The following NCOA2 variants were observed in gnomAD, a reference collection of about 807,000 sequenced individuals.
NCOA2 encodes the protein nuclear receptor coactivator 2, also known as class E basic helix-loop-helix protein 75.
NCOA2 carries 21 observed loss-of-function variants against 145.1 expected under a neutral mutation model. The ratio of observed to expected loss-of-function variants is 0.14; its 90% confidence interval spans 0.10 to 0.21. The LOEUF is 0.21. Ranked by LOEUF, NCOA2 falls within the 10% of genes least tolerant of loss-of-function variation. The pLI is 1.00. For synonymous variants in NCOA2, 619 were observed against 637.5 expected (o/e 0.97, Z 0.44); for missense variants, 1,472 against 1,837.6 (o/e 0.80, Z 3.64).
chr8:70,439,391 C>T, the NCOA2 span, among the ~76,000 whole-genome samples: 8 of 152,072 alleles, frequency 5.3e-5, no homozygotes, highest in Admixed American at 5.2e-4. Flanking sequence ...ACAGGGAAAA[C>T]CAGGGAAGAG....
chr8:70,363,382 C>CAAAA (rs113316710), intron 1 of NCOA2, among the ~76,000 whole-genome samples: 2 of 125,922 alleles, frequency 1.6e-5, no homozygotes, highest in Non-Finnish European at 1.7e-5. Context: ...GACACCATCT[C>CAAAA]AAAAAAAAAA....
intron 2 of NCOA2, among the ~76,000 whole-genome samples, chr8:70,268,256 ATC>A (rs1824770542): frequency 6.6e-6 from 1 of 152,184 alleles, no homozygotes. Context: ...ATCTCTCATT[ATC>A]TCTCTGTTTC....
At chr8:70,359,643 G>T (rs907937669) in intron 1 of NCOA2, among the ~76,000 whole-genome samples, 2 of 152,040 alleles carry the variant, frequency 1.3e-5, no homozygotes, top group Admixed American at 1.3e-4. Flanking sequence ...AGAGAGAGGT[G>T]GTGGTTACAA....
intron 1 of NCOA2, among the ~76,000 whole-genome samples, chr8:70,399,611 C>CA (rs1814031040): frequency 6.6e-6 from 1 of 152,190 alleles, no homozygotes; most frequent in African/African-American, 2.4e-5. Context: ...ACTACATACG[C>CA]AAAATACTAA....
At chr8:70,370,203 A>T (rs74883092) in intron 1 of NCOA2, among the ~76,000 whole-genome samples, 7,492 of 152,240 alleles carry the variant, frequency 0.049, 274 homozygotes, top group East Asian at 0.16. Context: ...AAATATTTAA[A>T]AACACGCAAA....
intron 2 of NCOA2, among the ~76,000 whole-genome samples, chr8:70,226,844 A>G (rs909183060): frequency 6.6e-6 from 1 of 152,108 alleles, no homozygotes; most frequent in South Asian, 2.1e-4. Flanking sequence ...AGCAAGAAAT[A>G]TATCTAAATC....
chr8:70,204,165 G>A (rs1818205832), intron 4 of NCOA2, among the ~76,000 whole-genome samples: 1 of 152,038 alleles, frequency 6.6e-6, no homozygotes, highest in Non-Finnish European at 1.5e-5. Context: ...GTGCCACCAT[G>A]CCAGGCTAAT....
chr8:70,402,611 G>A, intron 1 of NCOA2: 1 of 151,334 alleles, frequency 6.6e-6, no homozygotes, highest in Admixed American at 6.5e-5. Flanking sequence ...AGGGGCCCGA[G>A]AGGGCCGGGT....
At chr8:70,124,188 C>T in intron 20 of NCOA2, 106 bp from the exon 21 acceptor site, 2 of 1,080,720 alleles carry the variant, frequency 1.9e-6, no homozygotes, top group Non-Finnish European at 1.3e-6. Flanking sequence ...GTGAATAAAC[C>T]TGAACTGCAT....
intron 2 of NCOA2, among the ~76,000 whole-genome samples, chr8:70,282,981 T>C (rs1267470377): frequency 6.6e-6 from 1 of 152,162 alleles, no homozygotes; most frequent in Non-Finnish European, 1.5e-5. Flanking sequence ...GAATTTTCAT[T>C]TTAGTAAACA....
chr8:70,450,573 C>CTTTTTTTTTTTCTTTTTTT, the NCOA2 span, among the ~76,000 whole-genome samples: 1 of 94,646 alleles, frequency 1.1e-5, no homozygotes, highest in African/African-American at 4.3e-5. Flanking sequence ...TCTTTTTATT[C>CTTTTTTTTTTTCTTTTTTT]TTTTTTTTTT....
At chr8:70,440,076 G>A in the NCOA2 span, among the ~76,000 whole-genome samples, 7 of 152,106 alleles carry the variant, frequency 4.6e-5, no homozygotes, top group Admixed American at 6.5e-5. Flanking sequence ...TGTTAGAAAC[G>A]AGGATCGAGA....
chr8:70,145,747 A>C (rs918575665), intron 12 of NCOA2, among the ~76,000 whole-genome samples: 4 of 152,034 alleles, frequency 2.6e-5, no homozygotes, highest in African/African-American at 9.7e-5. Context: ...CTCTTGCCTC[A>C]GCTTTCTGAG....
chr8:70,260,877 A>G (rs978039534), intron 2 of NCOA2, among the ~76,000 whole-genome samples: 1 of 152,214 alleles, frequency 6.6e-6, no homozygotes, highest in African/African-American at 2.4e-5. Flanking sequence ...GCCATCAGAG[A>G]AATGCAAATC....
chr8:70,250,150 G>C (rs1823016284), intron 2 of NCOA2, among the ~76,000 whole-genome samples: 1 of 151,786 alleles, frequency 6.6e-6, no homozygotes, highest in Non-Finnish European at 1.5e-5. Flanking sequence ...CCAGCACTTT[G>C]GGAGGCAGAG....
chr8:70,318,001 G>C (rs779937423), intron 1 of NCOA2, among the ~76,000 whole-genome samples: 1 of 152,146 alleles, frequency 6.6e-6, no homozygotes, highest in East Asian at 1.9e-4. Flanking sequence ...AAAGGAAAAT[G>C]AAACACTTAA....
chr8:70,322,260 A>C (rs1806144727), intron 1 of NCOA2, among the ~76,000 whole-genome samples: 1 of 152,150 alleles, frequency 6.6e-6, no homozygotes, highest in Non-Finnish European at 1.5e-5. Context: ...GTTCTTACTG[A>C]AATCTGCTAC....
At chr8:70,372,263 T>G (rs1014822734) in intron 1 of NCOA2, among the ~76,000 whole-genome samples, 3 of 152,164 alleles carry the variant, frequency 2.0e-5, no homozygotes, top group Non-Finnish European at 4.4e-5. Flanking sequence ...AGCTCAAAGG[T>G]CATCCACTCA....
At chr8:70,342,774 T>TAA (rs1808249234) in intron 1 of NCOA2, among the ~76,000 whole-genome samples, 2 of 124,092 alleles carry the variant, frequency 1.6e-5, no homozygotes, top group South Asian at 5.7e-4. Flanking sequence ...CTTTTGCAAT[T>TAA]ACACACACAC....
Sources: allele counts gnomAD v4.1 joint callset (sites outside exome capture counted in the v4.1 genomes callset), GRCh38; gene constraint gnomAD v4.1.1; transcripts MANE v1.5; gene names NCBI Gene and HGNC (gene_info 2026-07-23, HGNC 2026-07-21).